The following RBFOX1 variants were observed in gnomAD, a reference collection of about 807,000 sequenced individuals.
RBFOX1 encodes RNA binding fox-1 homolog 1.
Under a neutral mutation model 57.7 loss-of-function variants are expected in RBFOX1, and 8 were observed. That is an observed-to-expected ratio of 0.14 (90% CI 0.08 to 0.25). The LOEUF is 0.25. RBFOX1 is among the 10% of genes least tolerant of loss of function. RBFOX1 has a pLI of 1.00. For synonymous variants in RBFOX1, 326 were observed against 222.4 expected, an observed-to-expected ratio of 1.47 and a Z score of -4.15; for missense variants, 611 against 548.5, an observed-to-expected ratio of 1.11 and a Z score of -1.14.
At chr16:7,280,410 G>A (rs949644642) in intron 4 of RBFOX1, among the ~76,000 whole-genome samples, 2 of 152,342 alleles carry the variant, frequency 1.3e-5, no homozygotes, top group Middle Eastern at 3.4e-3. Flanking sequence ...TCTGCACAAT[G>A]TCCAAGGGAT....
intron 4 of RBFOX1, among the ~76,000 whole-genome samples, chr16:7,321,405 C>T (rs974065444): frequency 6.6e-6 from 1 of 152,032 alleles, no homozygotes; most frequent in South Asian, 2.1e-4. Flanking sequence ...CTCGGCCTCC[C>T]AAAGTGCTGG....
intron 4 of RBFOX1, among the ~76,000 whole-genome samples, chr16:7,497,878 A>C (rs925256579): frequency 6.6e-6 from 1 of 152,232 alleles, no homozygotes; most frequent in African/African-American, 2.4e-5. Context: ...CGAATGTCTG[A>C]GCTCTGTAGG....
At chr16:7,114,893 C>A (rs117269939) in intron 4 of RBFOX1, among the ~76,000 whole-genome samples, 448 of 152,202 alleles carry the variant, frequency 2.9e-3, no homozygotes, top group Non-Finnish European at 4.6e-3. Flanking sequence ...TGTCTTAGAG[C>A]AAACCAAAAT....
chr16:7,492,323 G>T (rs1293005677), intron 4 of RBFOX1, among the ~76,000 whole-genome samples: 1 of 151,956 alleles, frequency 6.6e-6, no homozygotes, highest in Non-Finnish European at 1.5e-5. Context: ...GAAAAAAATG[G>T]GGGTCAACTT....
intron 1 of RBFOX1, among the ~76,000 whole-genome samples, chr16:6,162,246 T>C (rs1247216024): frequency 2.0e-5 from 3 of 152,152 alleles, no homozygotes; most frequent in East Asian, 1.9e-4. Flanking sequence ...GCCTCCCTAG[T>C]AGCTGGGATT....
intron 5 of RBFOX1, among the ~76,000 whole-genome samples, chr16:7,561,660 G>A (rs2090403892): frequency 6.6e-6 from 1 of 152,164 alleles, no homozygotes; most frequent in South Asian, 2.1e-4. Flanking sequence ...CAAAACTCTT[G>A]GAGTGCTTGT....
chr16:7,075,909 T>G (rs1224935275), intron 4 of RBFOX1, among the ~76,000 whole-genome samples: 2 of 151,960 alleles, frequency 1.3e-5, no homozygotes, highest in East Asian at 3.9e-4. Flanking sequence ...GTAAACAATT[T>G]CCTGTAACTG....
At chr16:6,682,486 A>C (rs922615536) in intron 3 of RBFOX1, among the ~76,000 whole-genome samples, 2 of 152,204 alleles carry the variant, frequency 1.3e-5, no homozygotes, top group African/African-American at 4.8e-5. Context: ...AATGTGCTTA[A>C]TGGTTTTGTG....
In RBFOX1 at chr16:7,638,203, T is replaced by C. The variant is rs1353433706; in HGVS notation, c.757+7520T>C. On this transcript the variant is annotated intron_variant, in intron 11 of 15. Transcript: ENST00000550418. ...GATATCCATAATCATAAGTAGTGGT[T>C]ATTGGGCACTCACTATATGTCAGGC... Among the ~76,000 whole-genome samples, 3 of 152,314 alleles carry C rather than the reference T, an allele frequency of 2.0e-5. No individual in the cohort carries two copies. In the East Asian group the frequency reaches 5.8e-4, roughly 29 times the overall value.
At chr16:7,197,295 G>A in intron 4 of RBFOX1, among the ~76,000 whole-genome samples, 1 of 152,166 alleles carries the variant, frequency 6.6e-6, no homozygotes, top group East Asian at 1.9e-4. Context: ...TGTCGTGGTT[G>A]AAGCAGGAAG....
chr16:7,238,568 T>C (rs926823628), intron 4 of RBFOX1, among the ~76,000 whole-genome samples: 1 of 152,204 alleles, frequency 6.6e-6, no homozygotes, highest in Non-Finnish European at 1.5e-5. Context: ...ACTTCTGTGT[T>C]CTTCCCATCT....
chr16:5,690,038 C>G (rs989016309), intron 3 of RBFOX1, among the ~76,000 whole-genome samples: 2 of 152,164 alleles, frequency 1.3e-5, no homozygotes, highest in African/African-American at 4.8e-5. Flanking sequence ...CCTGAGTGTG[C>G]TGGTGAAGCT....
chr16:7,324,722 G>C (rs191529170), intron 4 of RBFOX1, among the ~76,000 whole-genome samples: 29 of 152,316 alleles, frequency 1.9e-4, no homozygotes, highest in Non-Finnish European at 1.8e-4. Context: ...ATGACTATCA[G>C]CAGGCTCCTC....
intron 1 of RBFOX1, among the ~76,000 whole-genome samples, chr16:6,276,424 T>C (rs1435990732): frequency 6.6e-6 from 1 of 152,164 alleles, no homozygotes; most frequent in Non-Finnish European, 1.5e-5. Flanking sequence ...CACCTCTGCC[T>C]CCTGGGTTCA....
intron 2 of RBFOX1, among the ~76,000 whole-genome samples, chr16:6,495,187 C>T (rs990890058): frequency 6.6e-6 from 1 of 152,078 alleles, no homozygotes; most frequent in African/African-American, 2.4e-5. Flanking sequence ...GGTGGAATCT[C>T]GGCTCATTGC....
intron 3 of RBFOX1, among the ~76,000 whole-genome samples, chr16:5,651,700 G>A (rs1343816035): frequency 1.3e-5 from 2 of 152,126 alleles, no homozygotes; most frequent in African/African-American, 4.8e-5. Context: ...ATTCCGCATG[G>A]ATACCCATCC....
Position 7,528,663 on chromosome 16 carries a change from C to T in RBFOX1, c.270+10274C>T, listed in dbSNP as rs571490093. Reference sequence around the variant, plus strand: ...AGTAGCTGGGACTACAGGTGTTTTCCAGTGAACTTAGAAATAGGCATTAAT... The same window carrying T: ...AGTAGCTGGGACTACAGGTGTTTTCTAGTGAACTTAGAAATAGGCATTAAT... On this transcript the variant is annotated intron_variant, in intron 5 of 15. Transcript: ENST00000550418. 1.5e-3 allele frequency among the ~76,000 whole-genome samples: 225 copies of T among 152,162 alleles called. 1 individual carries two copies. The highest frequency in any genetic ancestry group is 3.4e-3 in the Middle Eastern group (1 of 294).
intron 5 of RBFOX1, among the ~76,000 whole-genome samples, chr16:7,567,720 A>G (rs2092229506): frequency 2.3e-5 from 2 of 85,156 alleles, no homozygotes; most frequent in Non-Finnish European, 5.0e-5. Flanking sequence ...CTATATATAT[A>G]TATCCCTATA....
intron 1 of RBFOX1, among the ~76,000 whole-genome samples, chr16:5,409,604 G>C (rs893157491): frequency 1.1e-4 from 17 of 152,204 alleles, no homozygotes; most frequent in Admixed American, 5.9e-4. Context: ...CATGTTCTAG[G>C]TGCTGGGAAT....
Sources: gnomAD v4.1 joint callset for allele counts (sites outside exome capture counted in the v4.1 genomes callset) on GRCh38, gnomAD v4.1.1 for gene constraint, MANE v1.5 for transcripts, NCBI Gene and HGNC (gene_info 2026-07-23, HGNC 2026-07-21) for gene names.